The following NRXN3 variants were observed in gnomAD, a reference collection of about 807,000 sequenced individuals.
NRXN3 encodes neurexin III.
NRXN3 carries 32 observed loss-of-function variants against 137.6 expected under a neutral mutation model. The ratio of observed to expected loss-of-function variants is 0.23; its 90% CI spans 0.18 to 0.31. NRXN3 has a LOEUF of 0.31. Among genes scored for constraint, NRXN3 ranks in the 10% least tolerant of loss-of-function variants. NRXN3 has a pLI of 1.00. For synonymous variants in NRXN3, 798 were observed against 784.5 expected (o/e 1.02, Z -0.29); for missense variants, 1,574 against 2,062.5 (o/e 0.76, Z 4.59).
At chr14:78,201,712 C>G (rs1347729817) in intron 1 of NRXN3, among the ~76,000 whole-genome samples, 1 of 152,186 alleles carries the variant, frequency 6.6e-6, no homozygotes, top group Non-Finnish European at 1.5e-5. Context: ...GAGCTGCTGA[C>G]AAGTCTCGGG....
chr14:78,766,690 A>AG (rs2152988340), intron 8 of NRXN3, among the ~76,000 whole-genome samples: 1 of 152,338 alleles, frequency 6.6e-6, no homozygotes, highest in African/African-American at 2.4e-5. Context: ...CCTGCAATCA[A>AG]GGGGGAGTCA....
intron 6 of NRXN3, among the ~76,000 whole-genome samples, chr14:78,687,505 CTG>C (rs1308200175): frequency 6.6e-6 from 1 of 152,162 alleles, no homozygotes; most frequent in Non-Finnish European, 1.5e-5. Context: ...AGGTGAGTAA[CTG>C]AGGATAACTT....
In NRXN3 at chr14:79,607,641, G is replaced by A. The variant is rs555852194; in HGVS notation, c.3445-56137G>A. Reference sequence around the variant, plus strand: ...TTTCAGGACCAAAGAGAAAATAGCCGTTTGAGCCACATATTTAAATGTTAA... The same window carrying A: ...TTTCAGGACCAAAGAGAAAATAGCCATTTGAGCCACATATTTAAATGTTAA... On this transcript the variant is annotated intron_variant, in intron 16 of 20. Coordinates refer to ENST00000335750, the MANE Select transcript of NRXN3 (RefSeq NM_001330195.2). Among the ~76,000 whole-genome samples, 19 of 151,288 alleles carry A rather than the reference G, an allele frequency of 1.3e-4. 1 individual carries two copies. In the South Asian group the frequency reaches 1.5e-3, roughly 12 times the overall value.
At chr14:78,626,562 G>A in intron 4 of NRXN3, among the ~76,000 whole-genome samples, 1 of 152,212 alleles carries the variant, frequency 6.6e-6, no homozygotes, top group Non-Finnish European at 1.5e-5. Flanking sequence ...TGACCTCTAT[G>A]TGAATGGATG....
intron 4 of NRXN3, among the ~76,000 whole-genome samples, chr14:78,377,612 T>C (rs2088137984): frequency 6.6e-6 from 1 of 152,226 alleles, no homozygotes; most frequent in Non-Finnish European, 1.5e-5. Flanking sequence ...CACAAGATAA[T>C]GTGGAAGCTG....
chr14:78,603,010 G>T (rs1329111231), intron 4 of NRXN3, among the ~76,000 whole-genome samples: 1 of 152,124 alleles, frequency 6.6e-6, no homozygotes, highest in Non-Finnish European at 1.5e-5. Context: ...GCAAGCTGGG[G>T]TCTTCTTATT....
intron 6 of NRXN3, among the ~76,000 whole-genome samples, chr14:78,664,948 A>G (rs770614285): frequency 2.6e-5 from 4 of 152,146 alleles, no homozygotes; most frequent in Admixed American, 6.6e-5. Flanking sequence ...GCTTATATTC[A>G]TTTTGTCAAC....
In NRXN3 at chr14:79,371,740, G is replaced by A. The variant is rs76991322; in HGVS notation, c.3263-95481G>A. ...ATGGCAGTGAACGTATACGTTTGTG[G>A]GGAAAATTCTTATGCACCTTCATAG... On this transcript the variant is annotated intron_variant, in intron 15 of 20. Transcript: ENST00000335750. 8.2e-3 allele frequency among the ~76,000 whole-genome samples: 1,247 copies of A among 152,058 alleles called. 25 individuals are homozygous for A. The highest frequency in any genetic ancestry group is 0.081 in the South Asian group (390 of 4,820).
chr14:79,227,837 C>G (rs2071343927), intron 15 of NRXN3, among the ~76,000 whole-genome samples: 1 of 123,174 alleles, frequency 8.1e-6, no homozygotes, highest in African/African-American at 2.9e-5. Context: ...TCCCTTCCTC[C>G]CTCCCTTCCT....
chr14:78,597,998 C>G (rs2097171712), intron 4 of NRXN3, among the ~76,000 whole-genome samples: 2 of 152,188 alleles, frequency 1.3e-5, no homozygotes, highest in Non-Finnish European at 2.9e-5. Context: ...ATGCAGAACT[C>G]AAAAGGTCTC....
chr14:79,464,852 A>G (rs182104081), intron 15 of NRXN3, among the ~76,000 whole-genome samples: 1 of 152,282 alleles, frequency 6.6e-6, no homozygotes, highest in Non-Finnish European at 1.5e-5. Context: ...CAGTGTTAAG[A>G]TATAAAATAT....
At chr14:79,075,500 C>T (rs2045817075) in intron 15 of NRXN3, among the ~76,000 whole-genome samples, 1 of 152,080 alleles carries the variant, frequency 6.6e-6, no homozygotes, top group African/African-American at 2.4e-5. Flanking sequence ...GATTTTTTCC[C>T]TCTCACCTGA....
At chr14:79,693,564 G>C (rs528068637) in intron 18 of NRXN3, among the ~76,000 whole-genome samples, 1 of 151,892 alleles carries the variant, frequency 6.6e-6, no homozygotes, top group South Asian at 2.1e-4. Context: ...TCATGTGCCT[G>C]AGAAACCTTT....
rs141706439 is a variant in NRXN3, at chr14:79,633,336, G to A, written c.3445-30442G>A. The A allele has an allele frequency of 1.5e-3, 229 of 152,206 alleles. 1 individual carries two copies. The highest frequency in any genetic ancestry group is 5.2e-3 in the African/African-American group (216 of 41,498). The allele number at this position is 152,206 out of a possible 1,614,324, so 9.4% of individuals were successfully genotyped here. The stretch of plus-strand genomic sequence containing the variant: ...AATGCAGACTTCCCTATGAGCTGTT[G>A]CTTGGTAAGTTCCAACCCAATATGA... On this transcript the variant is annotated intron_variant, in intron 16 of 20. Transcript: ENST00000335750.
chr14:78,304,104 C>A (rs2077130833), intron 4 of NRXN3, among the ~76,000 whole-genome samples: 1 of 152,166 alleles, frequency 6.6e-6, no homozygotes, highest in Admixed American at 6.5e-5. Flanking sequence ...ACATGTACCC[C>A]TTTTCACAAC....
chr14:78,692,769 T>G (rs2098184074), intron 6 of NRXN3, among the ~76,000 whole-genome samples: 1 of 152,182 alleles, frequency 6.6e-6, no homozygotes, highest in African/African-American at 2.4e-5. Context: ...TGCGATAATT[T>G]CAGATAGTCT....
chr14:78,487,790 A>AATAAAGAT lies in NRXN3; in HGVS notation c.758-157329_758-157328insTAAAGATA, dbSNP rs1272565435. Reference sequence around the variant, plus strand: ...AAATAAATAAATAAATAAATAAATAAAGATAGATTTGTCCTGAAACTTAAA... The same window carrying AATAAAGAT: ...AAATAAATAAATAAATAAATAAATAAATAAAGATAGATAGATTTGTCCTGAAACTTAAA... On this transcript the variant is annotated intron_variant, in intron 4 of 20. Transcript: ENST00000335750. Among the ~76,000 whole-genome samples, 68 of 138,208 alleles carry AATAAAGAT rather than the reference A, an allele frequency of 4.9e-4. 1 individual carries two copies. The East Asian group carries it at 0.012, about 24-fold the overall frequency. The allele number at this position is 138,208 out of a possible 152,430, so 90.7% of individuals were successfully genotyped here.
chr14:78,747,402 A>C lies in NRXN3; in HGVS notation c.2044+32263A>C, dbSNP rs531856076. 4.6e-5 allele frequency among the ~76,000 whole-genome samples: 7 copies of C among 152,232 alleles called. 1 individual carries two copies. The South Asian group carries it at 1.5e-3, about 32-fold the overall frequency. ...TTTTCTCACCAAGGAAATCAGGTGC[A>C]ATAAGCTTTAGTGATCTGCTAAGGC... is the stretch of plus-strand genomic sequence containing the variant. On this transcript the variant is annotated intron_variant, in intron 8 of 20. Transcript: ENST00000335750.
intron 15 of NRXN3, among the ~76,000 whole-genome samples, chr14:79,250,645 C>T (rs1444975039): frequency 1.3e-5 from 2 of 152,248 alleles, no homozygotes; most frequent in African/African-American, 4.8e-5. Context: ...GTTTGCATAC[C>T]ATGCAACATT....
Sources: gnomAD v4.1 joint callset for allele counts (sites outside exome capture counted in the v4.1 genomes callset) on GRCh38, gnomAD v4.1.1 for gene constraint, MANE v1.5 for transcripts, NCBI Gene and HGNC (gene_info 2026-07-23, HGNC 2026-07-21) for gene names.